The following EPB41L4A variants were observed in gnomAD, a reference collection of about 807,000 sequenced individuals.
EPB41L4A encodes erythrocyte membrane protein band 4.1 like 4A, also known as band 4.1-like protein 4A.
Under a neutral mutation model 108.6 loss-of-function variants are expected in EPB41L4A, and 100 were observed. That is an observed-to-expected ratio of 0.92 (90% CI 0.78 to 1.09). The LOEUF is 1.09. Among genes scored for constraint, EPB41L4A ranks in the 50% least tolerant of loss-of-function variants. The probability of loss-of-function intolerance (pLI) is 0.00; values close to 1 mark genes in which losing one functional copy is unlikely to be tolerated. For synonymous variants in EPB41L4A, 319 were observed against 289.0 expected (o/e 1.10, Z -1.05); for missense variants, 1,030 against 842.7 (o/e 1.22, Z -2.75).
At chr5:112,181,814 T>TG (rs1266503907) in intron 18 of EPB41L4A, among the ~76,000 whole-genome samples, 1 of 152,164 alleles carries the variant, frequency 6.6e-6, no homozygotes, top group Non-Finnish European at 1.5e-5. Flanking sequence ...GGTGCACACC[T>TG]GTAATCTCAG....
At chr5:112,299,782 T>C (rs1754236180) in intron 2 of EPB41L4A, among the ~76,000 whole-genome samples, 1 of 152,236 alleles carries the variant, frequency 6.6e-6, no homozygotes, top group Admixed American at 6.5e-5. Flanking sequence ...TATTACTGTG[T>C]TGCTCTCTAT....
At chr5:112,293,975 G>C (rs926626970) in intron 2 of EPB41L4A, among the ~76,000 whole-genome samples, 1 of 152,080 alleles carries the variant, frequency 6.6e-6, no homozygotes, top group Non-Finnish European at 1.5e-5. Flanking sequence ...TTAAAATCAT[G>C]GGATCCACCA....
rs1012022083 is a variant in EPB41L4A, at chr5:112,204,407, A to T, written c.1344T>A (p.Ser448Arg). Residue 448 changes from serine to arginine, a missense_variant, in exon 15 of 23, where the codon AGT becomes AGA. Transcript: ENST00000261486. Reference protein sequence around the residue: ...YTRRRNPSCGSDNDSVQPVRR... With the variant: ...YTRRRNPSCGRDNDSVQPVRR... ...TCACAGGCTGTACAGAATCATTGTC[A>T]CTTCCACAGGAGGGGTTTCGGCGAC... 1 of 1,613,752 alleles carries T rather than the reference A, an allele frequency of 6.2e-7. No homozygotes were observed.
At chr5:112,357,572 G>T (rs1044517455) in intron 1 of EPB41L4A, among the ~76,000 whole-genome samples, 1 of 152,202 alleles carries the variant, frequency 6.6e-6, no homozygotes, top group African/African-American at 2.4e-5. Context: ...CTGGTACCAA[G>T]CAAAAGTGGA....
chr5:112,218,895 T>C (rs930313574), intron 12 of EPB41L4A, among the ~76,000 whole-genome samples: 1 of 152,158 alleles, frequency 6.6e-6, no homozygotes, highest in African/African-American at 2.4e-5. Flanking sequence ...GTTTAAATAG[T>C]ACCAAAGGAT....
intron 7 of EPB41L4A, among the ~76,000 whole-genome samples, chr5:112,260,872 C>T (rs553100184): frequency 2.2e-4 from 34 of 152,356 alleles, no homozygotes; most frequent in African/African-American, 8.2e-4. Context: ...CCAATGCCCA[C>T]TTTCAGTTCT....
chr5:112,262,435 A>T (rs1340219581), intron 7 of EPB41L4A, 59 bp downstream of exon 7: 1 of 1,438,322 alleles, frequency 7.0e-7, no homozygotes, highest in Non-Finnish European at 9.8e-7. Context: ...AGTCTCAGTG[A>T]CTTTTTAAGA....
rs73214231 is a variant in EPB41L4A, at chr5:112,369,966, C to T, written c.99+48975G>A. Among the ~76,000 whole-genome samples, 1,056 of 152,282 alleles carry T rather than the reference C, an allele frequency of 6.9e-3. 15 individuals carry two copies. Among genetic ancestry groups the T allele is most frequent in the African/African-American group, 0.024 (995 of 41,536 alleles). ...CACCTTTATGGAAATCCTCTGCTCCCGATTTTATCCACTTGTTTCTATACA... is the reference window on the plus strand; with the variant it reads ...CACCTTTATGGAAATCCTCTGCTCCTGATTTTATCCACTTGTTTCTATACA... On this transcript the variant is annotated intron_variant, in intron 1 of 22. Coordinates refer to ENST00000261486, the MANE Select transcript of EPB41L4A (RefSeq NM_022140.5).
At chr5:112,332,304 A>T (rs529585693) in intron 1 of EPB41L4A, among the ~76,000 whole-genome samples, 2 of 152,088 alleles carry the variant, frequency 1.3e-5, no homozygotes, top group African/African-American at 4.8e-5. Flanking sequence ...TGAAACATAC[A>T]CCCTTAGGTG....
chr5:112,321,568 G>A (rs974993354), intron 1 of EPB41L4A, among the ~76,000 whole-genome samples: 1 of 152,184 alleles, frequency 6.6e-6, no homozygotes, highest in Non-Finnish European at 1.5e-5. Context: ...TACCATGGCA[G>A]TTGCTGAGCT....
At chr5:112,308,139 C>T (rs1367719884) in intron 1 of EPB41L4A, among the ~76,000 whole-genome samples, 1 of 152,150 alleles carries the variant, frequency 6.6e-6, no homozygotes, top group African/African-American at 2.4e-5. Context: ...ACTACATATA[C>T]AGATTCTTTA....
intron 1 of EPB41L4A, among the ~76,000 whole-genome samples, chr5:112,369,487 T>C (rs779701119): frequency 6.6e-6 from 1 of 152,230 alleles, no homozygotes; most frequent in South Asian, 2.1e-4. Flanking sequence ...CCAGGTCCCA[T>C]CTACTTATCC....
At chr5:112,356,464 T>C (rs533267147) in intron 1 of EPB41L4A, among the ~76,000 whole-genome samples, 3 of 152,344 alleles carry the variant, frequency 2.0e-5, no homozygotes, top group Non-Finnish European at 2.9e-5. Flanking sequence ...ATTTACCAAA[T>C]GAAGTACCTT....
intron 1 of EPB41L4A, among the ~76,000 whole-genome samples, chr5:112,326,839 C>T (rs573790675): frequency 2.6e-5 from 4 of 152,262 alleles, no homozygotes; most frequent in Admixed American, 6.5e-5. Context: ...TCAATCAAAT[C>T]TTCATAGGCA....
In EPB41L4A at chr5:112,170,305, T is replaced by C. The variant is rs1156937924; in HGVS notation, c.1735A>G (p.Ile579Val). 6.2e-7 allele frequency: 1 copy of C among 1,613,208 alleles called. No homozygotes were observed. The highest frequency in any genetic ancestry group is 1.7e-5 in the Admixed American group (1 of 59,844). ...EQLKEIPYTK[I>V]ETQGDPIRIR... ...AAGATTCTGAAAGGCACTCACTCTATTTTAGTGTATGGAATCTCTTTTAAT... is the reference window on the plus strand; with the variant it reads ...AAGATTCTGAAAGGCACTCACTCTACTTTAGTGTATGGAATCTCTTTTAAT... The change falls in exon 20 of 23, where the codon ATA (isoleucine) becomes GTA (valine). Residue 579 changes from isoleucine to valine, a missense_variant. By Grantham distance (29) the Ile-to-Val change is conservative. Transcript: ENST00000261486.
intron 2 of EPB41L4A, among the ~76,000 whole-genome samples, chr5:112,304,294 C>T (rs1223153494): frequency 6.6e-6 from 1 of 152,150 alleles, no homozygotes; most frequent in Non-Finnish European, 1.5e-5. Flanking sequence ...TTCTGCCTTT[C>T]AAGGAGTAAT....
In EPB41L4A at chr5:112,419,128, T is replaced by C. The variant is rs1241532677; in HGVS notation, c.-89A>G. On this transcript the variant is annotated 5_prime_UTR_variant, in exon 1 of 23. Transcript: ENST00000261486. ...CACTCAAGCGCGATGCATTAATTTA[T>C]TGTCCGCGCCGTGGCGAGGGTGAGA... The C allele has an allele frequency of 2.0e-6, 2 of 989,352 alleles. No homozygotes were observed. Among genetic ancestry groups the C allele is most frequent in the South Asian group, 1.4e-5 (1 of 72,648 alleles). The allele number at this position is 989,352 out of a possible 1,614,324, so 61.3% of individuals were successfully genotyped here.
Position 112,380,792 on chromosome 5 carries a change from T to TACACAC in EPB41L4A, c.99+38143_99+38148dup, listed in dbSNP as rs34831455. Among the ~76,000 whole-genome samples the TACACAC allele has an allele frequency of 2.1e-3, 296 of 141,206 alleles. 3 individuals are homozygous for TACACAC. Among genetic ancestry groups the TACACAC allele is most frequent in the East Asian group, 7.4e-3 (35 of 4,756 alleles). The allele number at this position is 141,206 out of a possible 152,430, so 92.6% of individuals were successfully genotyped here. ...ACCCATCCTCTGCACATCACACACA[T>TACACAC]ACACACACACACACACACACACACA... On this transcript the variant is annotated intron_variant, in intron 1 of 22. Coordinates refer to ENST00000261486, the MANE Select transcript of EPB41L4A (RefSeq NM_022140.5).
At chr5:112,419,684 C>G (rs1762975203), upstream of EPB41L4A, 3 of 456,538 alleles carry the variant, frequency 6.6e-6, no homozygotes, top group African/African-American at 2.0e-5. Flanking sequence ...GTCGTCGCTC[C>G]GTCCGCTACC....
Sources: gnomAD v4.1 joint callset for allele counts (sites outside exome capture counted in the v4.1 genomes callset) on GRCh38, gnomAD v4.1.1 for gene constraint, MANE v1.5 for transcripts, NCBI Gene and HGNC (gene_info 2026-07-23, HGNC 2026-07-21) for gene names.